Variants in SMIM45 observed in about 807,000 individuals in gnomAD.
SMIM45 encodes long intergenic non-protein coding RNA 634.
the SMIM45 span, among the ~76,000 whole-genome samples, chr22:41,955,274 G>A: frequency 6.6e-6 from 1 of 151,812 alleles, no homozygotes; most frequent in Admixed American, 6.6e-5. Context: ...CCACCTCCTG[G>A]GTTCAAGCAA....
At chr22:41,958,521 G>A in the SMIM45 span, 3 of 377,170 alleles carry the variant, frequency 8.0e-6, no homozygotes, top group Admixed American at 9.2e-5. Flanking sequence ...TGGGGGGAGC[G>A]GGCAAGCATG....
chr22:41,956,634 G>A, the SMIM45 span, among the ~76,000 whole-genome samples: 2 of 152,194 alleles, frequency 1.3e-5, no homozygotes, highest in South Asian at 2.1e-4. Context: ...GTCCTTTACC[G>A]AGTGCCCTGC....
the SMIM45 span, among the ~76,000 whole-genome samples, chr22:41,949,764 G>A: frequency 6.6e-6 from 1 of 152,206 alleles, no homozygotes; most frequent in Non-Finnish European, 1.5e-5. Flanking sequence ...GGAGCAGCCA[G>A]GAGCAGCAGG....
the SMIM45 span, chr22:41,957,585 C>T: frequency 6.6e-6 from 1 of 152,300 alleles, no homozygotes; most frequent in East Asian, 1.9e-4. Context: ...GCTTGGGCCT[C>T]GGGCTCTGTG....
chr22:41,947,669 C>CTTTTTTTTTTTT, the SMIM45 span, among the ~76,000 whole-genome samples: 1 of 125,244 alleles, frequency 8.0e-6, no homozygotes, highest in Admixed American at 8.1e-5. Context: ...GTGCCTGGCC[C>CTTTTTTTTTTTT]TTTTTTTTTT....
the SMIM45 span, among the ~76,000 whole-genome samples, chr22:41,949,492 G>A: frequency 6.6e-6 from 1 of 152,264 alleles, no homozygotes; most frequent in Admixed American, 6.5e-5. Flanking sequence ...GGCTGTGGCA[G>A]ATGGAGTAAG....
At chr22:41,953,580 G>A in the SMIM45 span, among the ~76,000 whole-genome samples, 1 of 152,118 alleles carries the variant, frequency 6.6e-6, no homozygotes, top group Non-Finnish European at 1.5e-5. Flanking sequence ...GGCCTGTTGT[G>A]AAGTTTGTGG....
chr22:41,957,485 G>A, the SMIM45 span, among the ~76,000 whole-genome samples: 1 of 152,028 alleles, frequency 6.6e-6, no homozygotes, highest in Non-Finnish European at 1.5e-5. Flanking sequence ...ACAGGCGTGA[G>A]CCACCGCGCC....
the SMIM45 span, among the ~76,000 whole-genome samples, chr22:41,950,467 G>A: frequency 1.3e-5 from 2 of 152,142 alleles, no homozygotes; most frequent in Non-Finnish European, 2.9e-5. Flanking sequence ...GGAGGCTGAG[G>A]CAGGAGGATA....
At chr22:41,958,478 G>A in the SMIM45 span, 1 of 411,918 alleles carries the variant, frequency 2.4e-6, no homozygotes, top group South Asian at 1.7e-5. Flanking sequence ...GGAGAGGGTT[G>A]GTGAGGAGAG....
chr22:41,958,268 G>A, the SMIM45 span: 81 of 456,252 alleles, frequency 1.8e-4, no homozygotes, highest in African/African-American at 1.6e-3. Context: ...TCTTCGTGAA[G>A]TCCCCAGCTC....
At chr22:41,951,766 G>A in the SMIM45 span, among the ~76,000 whole-genome samples, 18 of 152,186 alleles carry the variant, frequency 1.2e-4, no homozygotes, top group African/African-American at 4.3e-4. Context: ...ACTCAGTCTT[G>A]GTTTTTCCTT....
chr22:41,958,212 C>G, the SMIM45 span: 1 of 434,768 alleles, frequency 2.3e-6, no homozygotes, highest in African/African-American at 2.0e-5. Context: ...CCACTGGACT[C>G]AGGCATGTCT....
the SMIM45 span, among the ~76,000 whole-genome samples, chr22:41,955,733 G>A: frequency 2.0e-5 from 3 of 150,980 alleles, no homozygotes; most frequent in Non-Finnish European, 4.4e-5. Flanking sequence ...GTGAACCTGG[G>A]AGGCGGAGCT....
chr22:41,958,622 T>G, the SMIM45 span: 4 of 346,302 alleles, frequency 1.2e-5, no homozygotes. Flanking sequence ...GTGGGCTGTG[T>G]GAGGACTGTC....
At chr22:41,947,996 C>T in the SMIM45 span, among the ~76,000 whole-genome samples, 48 of 152,254 alleles carry the variant, frequency 3.2e-4, no homozygotes, top group African/African-American at 8.9e-4. Context: ...GAGACTTTAC[C>T]TCATCTTTCA....
chr22:41,958,519 G>A, the SMIM45 span: 1 of 373,764 alleles, frequency 2.7e-6, no homozygotes, highest in Non-Finnish European at 5.2e-6. Flanking sequence ...TCTGGGGGGA[G>A]CGGGCAAGCA....
the SMIM45 span, among the ~76,000 whole-genome samples, chr22:41,950,919 G>A: frequency 3.9e-5 from 6 of 152,208 alleles, no homozygotes; most frequent in Non-Finnish European, 8.8e-5. Flanking sequence ...TTGAACCCGG[G>A]AGGTAGAGGT....
At chr22:41,949,158 T>C in the SMIM45 span, among the ~76,000 whole-genome samples, 1 of 151,486 alleles carries the variant, frequency 6.6e-6, no homozygotes, top group African/African-American at 2.4e-5. Context: ...GGCAGGAGAA[T>C]CACTTGAACC....
Sources: allele counts gnomAD v4.1 joint callset (sites outside exome capture counted in the v4.1 genomes callset), GRCh38; gene constraint gnomAD v4.1.1; transcripts MANE v1.5; gene names NCBI Gene and HGNC (gene_info 2026-07-23, HGNC 2026-07-21).